The following CSMD3 variants were observed in gnomAD, a reference collection of about 807,000 sequenced individuals.
CSMD3 encodes CUB and sushi domain-containing protein 3.
In CSMD3, 177 loss-of-function variants were observed where a neutral mutation model predicts 435.2. The observed-to-expected ratio is 0.41, with a 90% CI of 0.36 to 0.46. The LOEUF (loss-of-function observed/expected upper bound fraction) is 0.46. Among genes scored for constraint, CSMD3 ranks in the 20% least tolerant of loss-of-function variants. The pLI is 0.34. For synonymous variants in CSMD3, 1,656 were observed against 1,520.5 expected, an observed-to-expected ratio of 1.09 and a Z score of -2.07; for missense variants, 4,265 against 4,504.6, an observed-to-expected ratio of 0.95 and a Z score of 1.52.
intron 16 of CSMD3, 124 bp from the exon 17 acceptor site, chr8:112,666,539 T>C (rs2075530566): frequency 7.6e-6 from 6 of 793,580 alleles, no homozygotes; most frequent in Non-Finnish European, 1.1e-5. Flanking sequence ...AATACTATTT[T>C]TGAAAGCAAT....
chr8:113,224,698 AT>A, intron 3 of CSMD3, among the ~76,000 whole-genome samples: 1 of 151,454 alleles, frequency 6.6e-6, no homozygotes. Flanking sequence ...TTACTATAAA[AT>A]TTGTGTGTGT....
chr8:112,747,291 G>A (rs1252646926), intron 13 of CSMD3, among the ~76,000 whole-genome samples: 4 of 136,896 alleles, frequency 2.9e-5, no homozygotes, highest in Non-Finnish European at 6.1e-5. Flanking sequence ...TATACTTCAA[G>A]AGTAGACCTA....
In CSMD3 at chr8:112,550,770, G is replaced by C. The variant is rs373429247; in HGVS notation, c.4465C>G (p.Leu1489Val). ...GTGCTATGAATTCCTTCAGGAATAA[G>C]AGATCCACTAATTTCCTTTAAAAGC... ...DMLLKEISGS[L>V]IPEGIHSTLN... The change falls in exon 27 of 71, where the codon CTT becomes GTT. Residue 1489 changes from leucine to valine, a missense_variant. Around this residue, in one of 3 missense-constraint regions of CSMD3, gnomAD observed 3,255 missense variants for 3,380.2 expected, o/e 0.96. Transcript: ENST00000297405. 1.2e-5 allele frequency: 20 copies of C among 1,602,838 alleles called. No homozygotes were observed. Among genetic ancestry groups the C allele is most frequent in the Non-Finnish European group, 1.7e-5 (20 of 1,170,138 alleles).
At chr8:112,961,870 G>A (rs1376423469) in intron 7 of CSMD3, among the ~76,000 whole-genome samples, 3 of 152,026 alleles carry the variant, frequency 2.0e-5, no homozygotes, top group South Asian at 2.1e-4. Context: ...AATGCTTGGC[G>A]TAACAGGTCT....
At chr8:113,378,305 A>G (rs1426045311) in intron 1 of CSMD3, among the ~76,000 whole-genome samples, 2 of 152,224 alleles carry the variant, frequency 1.3e-5, no homozygotes, top group Non-Finnish European at 2.9e-5. Flanking sequence ...ATGCCTCCTC[A>G]GTGTCAGTCC....
intron 53 of CSMD3, among the ~76,000 whole-genome samples, 199 bp from the exon 54 acceptor site, chr8:112,296,205 G>A (rs1424008912): frequency 6.6e-6 from 1 of 152,048 alleles, no homozygotes; most frequent in African/African-American, 2.4e-5. Context: ...AAGAAGACAC[G>A]TGTCTAGTGA....
intron 3 of CSMD3, among the ~76,000 whole-genome samples, chr8:113,195,314 A>G (rs2092638906): frequency 6.6e-6 from 1 of 150,458 alleles, no homozygotes; most frequent in South Asian, 2.1e-4. Flanking sequence ...CTGGAACAGA[A>G]GCAGACTATT....
chr8:112,523,040 A>AT (rs1563654425), intron 27 of CSMD3, among the ~76,000 whole-genome samples: 1 of 151,992 alleles, frequency 6.6e-6, no homozygotes, highest in East Asian at 1.9e-4. Flanking sequence ...TGGTATAACA[A>AT]AGAATAAATA....
intron 1 of CSMD3, among the ~76,000 whole-genome samples, chr8:113,315,574 AAT>A (rs534298957): frequency 6.7e-6 from 1 of 148,622 alleles, no homozygotes; most frequent in African/African-American, 2.5e-5. Context: ...TGTCTCTTCA[AAT>A]ATATATATAT....
intron 13 of CSMD3, among the ~76,000 whole-genome samples, chr8:112,755,187 C>T (rs917313619): frequency 2.5e-4 from 38 of 151,826 alleles, no homozygotes; most frequent in Non-Finnish European, 4.6e-4. Context: ...AAAAATTAGC[C>T]GGGCGTGGTG....
intron 13 of CSMD3, among the ~76,000 whole-genome samples, chr8:112,743,167 A>C (rs2077349568): frequency 6.6e-6 from 1 of 152,068 alleles, no homozygotes; most frequent in African/African-American, 2.4e-5. Context: ...AGAAAAAATA[A>C]AAATGATATT....
At chr8:112,536,446 G>GA (rs1279522182) in intron 27 of CSMD3, among the ~76,000 whole-genome samples, 1 of 152,178 alleles carries the variant, frequency 6.6e-6, no homozygotes, top group Non-Finnish European at 1.5e-5. Context: ...GGCCATCAGA[G>GA]AAATGCAAAT....
chr8:112,600,838 C>T (rs1312655089), intron 22 of CSMD3, among the ~76,000 whole-genome samples: 9 of 151,998 alleles, frequency 5.9e-5, no homozygotes, highest in Non-Finnish European at 4.4e-5. Context: ...CCACTACGCC[C>T]AGCTAATTTT....
chr8:113,416,497 C>A (rs2094582132), intron 1 of CSMD3, among the ~76,000 whole-genome samples: 1 of 152,086 alleles, frequency 6.6e-6, no homozygotes, highest in South Asian at 2.1e-4. Flanking sequence ...GAAACTATTA[C>A]AATTCCATTT....
chr8:113,161,861 A>T (rs1366114865), intron 4 of CSMD3, among the ~76,000 whole-genome samples: 3 of 152,098 alleles, frequency 2.0e-5, no homozygotes, highest in Admixed American at 2.0e-4. Flanking sequence ...GCCAAAGTCA[A>T]CTCACTTTTA....
At chr8:112,494,667 CG>C (rs1267519917) in intron 30 of CSMD3, among the ~76,000 whole-genome samples, 1 of 151,684 alleles carries the variant, frequency 6.6e-6, no homozygotes, top group African/African-American at 2.4e-5. Flanking sequence ...CTGGCACTCA[CG>C]GAAATTACAG....
chr8:112,757,270 T>C (rs2077722283), intron 13 of CSMD3, among the ~76,000 whole-genome samples: 1 of 152,104 alleles, frequency 6.6e-6, no homozygotes, highest in South Asian at 2.1e-4. Flanking sequence ...ATATTTTTCA[T>C]AGAAGTTTGC....
Position 112,475,029 on chromosome 8 carries a change from C to T in CSMD3, c.5279-2322G>A, listed in dbSNP as rs190000407. On this transcript the variant is annotated intron_variant, in intron 31 of 70. Coordinates refer to ENST00000297405, the MANE Select transcript of CSMD3 (RefSeq NM_198123.2). ...TGATAACTTCATTCAACTGATAATG[C>T]TACTGATGAGAGAATCATTCAAGAA... 1.3e-3 allele frequency among the ~76,000 whole-genome samples: 194 copies of T among 152,216 alleles called. 1 individual carries two copies. The Middle Eastern group carries it at 0.017, about 13-fold the overall frequency.
chr8:113,330,780 G>A (rs2094021724), intron 1 of CSMD3, among the ~76,000 whole-genome samples: 1 of 151,654 alleles, frequency 6.6e-6, no homozygotes, highest in Non-Finnish European at 1.5e-5. Flanking sequence ...CAAAATACAT[G>A]GAAAAAATGG....
Sources: gnomAD v4.1 joint callset for allele counts (sites outside exome capture counted in the v4.1 genomes callset) on GRCh38, gnomAD v4.1.1 for gene constraint, gnomAD v4.1.1 regional missense constraint, MANE v1.5 for transcripts, NCBI Gene and HGNC (gene_info 2026-07-23, HGNC 2026-07-21) for gene names.